Variants in ERI2 observed in about 807,000 individuals in gnomAD.
ERI2 encodes the protein ERI1 exoribonuclease family member 2.
A neutral mutation model predicts 46.8 loss-of-function variants in ERI2; 35 were observed. The observed-to-expected ratio is 0.75, with a 90% CI of 0.57 to 0.99. ERI2 has a LOEUF of 0.99. Among genes scored for constraint, ERI2 ranks in the 50% least tolerant of loss-of-function variants. ERI2 has a pLI of 0.00. For missense variants in ERI2, 695 were observed against 796.2 expected (o/e 0.87, Z 1.53); for synonymous variants, 224 against 271.0 (o/e 0.83, Z 1.70).
Position 20,796,451 on chromosome 16 carries a change from GT to G in ERI2, c.*1272del. On this transcript the variant is annotated 3_prime_UTR_variant, in exon 9 of 9. Transcript: ENST00000357967. ...ACTAATAAAGGAGATTCAGGAGCATGTTAAAAAAACTACAGCACCTTACAAA... is the reference window on the plus strand; with the variant it reads ...ACTAATAAAGGAGATTCAGGAGCATGTAAAAAAACTACAGCACCTTACAAA... 1 of 1,613,720 alleles carries G rather than the reference GT, an allele frequency of 6.2e-7. No homozygotes were observed. Among genetic ancestry groups the G allele is most frequent in the South Asian group, 1.1e-5 (1 of 91,044 alleles).
At position 20,790,728 on chromosome 16, in the gene ERI2, C is replaced by A; in HGVS notation, c.815+122G>T. On this transcript the variant is annotated intron_variant, in intron 9 of 10. Coordinates refer to the ERI2 transcript ENST00000300005. This position sits in a 1 kb window ranked among gnomAD's most constrained non-coding sequence, Gnocchi z 4.0. ...AAATAATCTCATTTTCTATTTATTT[C>A]TCAAGTGCTTGGTAACAATCCCTGT... 6.2e-6 allele frequency: 10 copies of A among 1,613,908 alleles called. No individual in the cohort carries two copies. Among genetic ancestry groups the A allele is most frequent in the Non-Finnish European group, 8.5e-6 (10 of 1,179,846 alleles).
At chr16:20,781,768 G>A (rs1346066860) in intron 10 of ERI2, 5 of 1,611,142 alleles carry the variant, frequency 3.1e-6, no homozygotes, top group Non-Finnish European at 4.2e-6. Flanking sequence ...CCGAATGCTT[G>A]TACAGAATGA....
intron 1 of ERI2, among the ~76,000 whole-genome samples, chr16:20,805,337 A>ATGACT (rs1037354094): frequency 6.6e-6 from 1 of 151,986 alleles, no homozygotes; most frequent in African/African-American, 2.4e-5. Context: ...AGGCAGGAGA[A>ATGACT]TGACTTGAAC....
chr16:20,788,205 G>C (rs2080516595), intron 10 of ERI2, among the ~76,000 whole-genome samples: 1 of 152,104 alleles, frequency 6.6e-6, no homozygotes, highest in African/African-American at 2.4e-5. Flanking sequence ...TGGTTAACAG[G>C]CTACCTTAGG....
chr16:20,793,476 T>C (rs1315296167), downstream of ERI2, among the ~76,000 whole-genome samples: 1 of 150,244 alleles, frequency 6.7e-6, no homozygotes, highest in Non-Finnish European at 1.5e-5. Context: ...CTCAAAAAAA[T>C]AAAAATAAAA....
At chr16:20,783,936 T>C (rs2080411459) in intron 10 of ERI2, among the ~76,000 whole-genome samples, 1 of 152,086 alleles carries the variant, frequency 6.6e-6, no homozygotes, top group African/African-American at 2.4e-5. Flanking sequence ...CTCCTGAGCA[T>C]GTAGGATTAC....
chr16:20,804,149 C>T (rs2080824860), intron 1 of ERI2, among the ~76,000 whole-genome samples: 1 of 151,972 alleles, frequency 6.6e-6, no homozygotes, highest in Non-Finnish European at 1.5e-5. Flanking sequence ...CCACTGTGTC[C>T]AGCCAATTTA....
Position 20,781,598 on chromosome 16 carries a change from G to A in ERI2, c.895-864C>T. The A allele has an allele frequency of 4.7e-6, 4 of 849,572 alleles. No individual in the cohort carries two copies. The South Asian group carries it at 5.7e-5, about 12-fold the overall frequency. The allele number at this position is 849,572 out of a possible 1,614,324, so 52.6% of individuals were successfully genotyped here. On this transcript the variant is annotated intron_variant, in intron 10 of 10. Coordinates refer to the ERI2 transcript ENST00000300005. Reference sequence around the variant, plus strand: ...TGATTCTACAAGAAAAGGTAAGAATGTATTTACATTAACATAAACAATGTT... The same window carrying A: ...TGATTCTACAAGAAAAGGTAAGAATATATTTACATTAACATAAACAATGTT...
At chr16:20,788,151 G>GA (rs1219584306) in intron 10 of ERI2, among the ~76,000 whole-genome samples, 1 of 151,670 alleles carries the variant, frequency 6.6e-6, no homozygotes, top group East Asian at 1.9e-4. Context: ...GCTTATCTAA[G>GA]AAAAAATGGT....
chr16:20,805,804 G>A, intron 1 of ERI2: 1 of 256,802 alleles, frequency 3.9e-6, no homozygotes. Flanking sequence ...CTAGTCAGTC[G>A]GGACAAATAC....
chr16:20,799,535 T>A, intron 7 of ERI2, 184 bp from the exon 8 acceptor site: 1 of 591,478 alleles, frequency 1.7e-6, no homozygotes, highest in Non-Finnish European at 2.9e-6. Flanking sequence ...TATGGCAGCA[T>A]TACCAGTGAA....
downstream of ERI2, among the ~76,000 whole-genome samples, chr16:20,795,556 T>C (rs2080704591): frequency 6.6e-6 from 1 of 152,250 alleles, no homozygotes; most frequent in Non-Finnish European, 1.5e-5. Context: ...AAACGAATCC[T>C]TGAATTTAAT....
chr16:20,785,207 A>C, intron 10 of ERI2: 1 of 1,479,964 alleles, frequency 6.8e-7, no homozygotes, highest in Non-Finnish European at 9.2e-7. Context: ...GAGGGATAGG[A>C]GTTGAGTGGT....
chr16:20,802,080 G>A (rs1026210371), intron 4 of ERI2, among the ~76,000 whole-genome samples: 1 of 149,086 alleles, frequency 6.7e-6, no homozygotes. Flanking sequence ...GGTGACTCAC[G>A]CCTGTAATCC....
rs2080572451 is a variant in ERI2 at position 20,790,468 on chromosome 16, A to T, written c.815+382T>A. The T allele has an allele frequency of 1.0e-5, 10 of 965,406 alleles. 1 individual carries two copies. The highest frequency in any genetic ancestry group is 3.3e-5 in the South Asian group (2 of 61,046). The allele number at this position is 965,406 out of a possible 1,614,324, so 59.8% of individuals were successfully genotyped here. ...TGAGACCTTGTCTCACACACACAAA[A>T]TTTTTTTTAAGTCTTCATTTTTAAA... On this transcript the variant is annotated intron_variant, in intron 9 of 10. Transcript: ENST00000300005. This position sits in a 1 kb window ranked among gnomAD's most constrained non-coding sequence, Gnocchi z 4.0.
At chr16:20,792,285 T>G (rs2080619113), downstream of ERI2, 2 of 1,614,124 alleles carry the variant, frequency 1.2e-6, no homozygotes, top group Non-Finnish European at 1.7e-6. Flanking sequence ...TGAACACCCT[T>G]CAGTTGCAGA....
At chr16:20,791,578 T>A (rs757054206), downstream of ERI2, among the ~76,000 whole-genome samples, 2 of 152,230 alleles carry the variant, frequency 1.3e-5, no homozygotes, top group Non-Finnish European at 2.9e-5. Flanking sequence ...TATCTCTTCC[T>A]AACTCTAATG....
Position 20,799,271 on chromosome 16 carries a change from A to G in ERI2, c.724T>C (p.Leu242=). 3 of 1,613,638 alleles carry G rather than the reference A, an allele frequency of 1.9e-6. No homozygotes were observed. The highest frequency in any genetic ancestry group is 1.3e-5 in the African/African-American group (1 of 75,042). ...GGCAAGACACTACTAACCTTGTTCA[A>G]CGACCTTGTAATTTTCATTACACAA... ...DGCVMKITRS[L]NKVPTKKNFS... Residue 242 remains leucine, a synonymous_variant, in exon 8 of 9, where the codon TTG becomes CTG. Coordinates refer to ENST00000357967, the MANE Select transcript of ERI2 (RefSeq NM_001142725.2).
downstream of ERI2, among the ~76,000 whole-genome samples, chr16:20,795,614 C>T (rs1289969296): frequency 6.6e-6 from 1 of 152,202 alleles, no homozygotes; most frequent in Admixed American, 6.5e-5. Context: ...AAAAAAGCTT[C>T]AGGGGACTCT....
Sources: allele counts gnomAD v4.1 joint callset (sites outside exome capture counted in the v4.1 genomes callset), GRCh38; gene constraint gnomAD v4.1.1; non-coding constraint Gnocchi (gnomAD v3.1); transcripts MANE v1.5; gene names NCBI Gene and HGNC (gene_info 2026-07-23, HGNC 2026-07-21).